TSPEAR: variants seen among roughly 807,000 people sequenced by gnomAD.
TSPEAR encodes thrombospondin type laminin G domain and EAR repeats.
TSPEAR carries 69 observed loss-of-function variants against 71.6 expected under a neutral mutation model. That is an observed-to-expected ratio of 0.96 (90% CI 0.79 to 1.18). The LOEUF (loss-of-function observed/expected upper bound fraction) is 1.18. Ranked by LOEUF, TSPEAR falls within the 50% of genes most tolerant of loss-of-function variation. The pLI is 0.00. For synonymous variants in TSPEAR, 402 were observed against 387.2 expected (o/e 1.04, Z -0.45); for missense variants, 971 against 894.9 (o/e 1.09, Z -1.09).
intron 11 of TSPEAR, among the ~76,000 whole-genome samples, chr21:44,504,348 G>C (rs183529623): frequency 7.0e-6 from 1 of 142,174 alleles, no homozygotes; most frequent in Non-Finnish European, 1.5e-5. Context: ...AGCTGGCCTC[G>C]GTGAGCCCTC....
At chr21:44,647,277 C>T (rs781918376) in intron 1 of TSPEAR, 30 of 1,601,680 alleles carry the variant, frequency 1.9e-5, no homozygotes, top group East Asian at 9.0e-5. Flanking sequence ...CGGCCTCCTG[C>T]GTGTCCCTCC....
chr21:44,628,453 G>A (rs1983040505), intron 1 of TSPEAR, among the ~76,000 whole-genome samples: 1 of 151,866 alleles, frequency 6.6e-6, no homozygotes, highest in Non-Finnish European at 1.5e-5. Flanking sequence ...CTGGGGGGCT[G>A]GGCCCCGTGG....
intron 1 of TSPEAR, chr21:44,654,322 G>A: frequency 6.2e-7 from 1 of 1,614,108 alleles, no homozygotes; most frequent in South Asian, 1.1e-5. Flanking sequence ...ATAGACCAGG[G>A]TGGGGCAGAA....
At chr21:44,667,612 G>C (rs1244940841) in intron 1 of TSPEAR, among the ~76,000 whole-genome samples, 1 of 152,212 alleles carries the variant, frequency 6.6e-6, no homozygotes, top group Non-Finnish European at 1.5e-5. Context: ...TGTGAGGCCA[G>C]TGAAGGGTCC....
chr21:44,681,995 G>C (rs782530433), intron 1 of TSPEAR: 1 of 1,610,140 alleles, frequency 6.2e-7, no homozygotes, highest in Admixed American at 1.7e-5. Context: ...GCACACACAC[G>C]GCTGGCTTGA....
At chr21:44,594,751 G>C (rs1980245025) in intron 1 of TSPEAR, among the ~76,000 whole-genome samples, 1 of 151,896 alleles carries the variant, frequency 6.6e-6, no homozygotes, top group African/African-American at 2.4e-5. Flanking sequence ...CTGCAGGATG[G>C]CTTTCTTGCA....
rs186064008 is a variant in TSPEAR at position 44,622,648 on chromosome 21, T to C, written c.83-54643A>G. ...TCATACGCCGTCTTCCCTTTGTGTG[T>C]GTGTTTGAACTTCCTTCTCCTTTCT... On this transcript the variant is annotated intron_variant, in intron 1 of 11. Coordinates refer to ENST00000323084, the MANE Select transcript of TSPEAR (RefSeq NM_144991.3). Among the ~76,000 whole-genome samples the C allele has an allele frequency of 5.3e-5, 8 of 152,334 alleles. No individual in the cohort carries two copies. The East Asian group carries it at 1.5e-3, about 29-fold the overall frequency.
chr21:44,612,030 C>A lies in TSPEAR; in HGVS notation c.83-44025G>T. ...GAAAATACCCAGGGAGGGTATAAAA[C>A]CTCAGCAGCCAGGGCACACAAACCC... On this transcript the variant is annotated intron_variant, in intron 1 of 11. Coordinates refer to ENST00000323084, the MANE Select transcript of TSPEAR (RefSeq NM_144991.3). This position sits in a 1 kb window ranked among gnomAD's most constrained non-coding sequence, Gnocchi z 4.1. The A allele has an allele frequency of 6.7e-7, 1 of 1,498,726 alleles. No homozygotes were observed. Among genetic ancestry groups the A allele is most frequent in the South Asian group, 1.2e-5 (1 of 81,470 alleles). 92.8% of individuals were successfully genotyped at this position (1,498,726 alleles called of 1,614,324 possible).
At chr21:44,578,821 GTC>G (rs1343121720) in intron 1 of TSPEAR, among the ~76,000 whole-genome samples, 1 of 152,192 alleles carries the variant, frequency 6.6e-6, no homozygotes, top group Non-Finnish European at 1.5e-5. Flanking sequence ...GCCCTCCAGT[GTC>G]GCCCATGTCA....
At chr21:44,510,265 C>T (rs993867928) in intron 9 of TSPEAR, among the ~76,000 whole-genome samples, 2 of 152,182 alleles carry the variant, frequency 1.3e-5, no homozygotes, top group African/African-American at 2.4e-5. Context: ...GGGATCCCTG[C>T]GCACGGTCCC....
chr21:44,569,056 C>T (rs1214513923), intron 1 of TSPEAR, among the ~76,000 whole-genome samples: 2 of 152,188 alleles, frequency 1.3e-5, no homozygotes, highest in Admixed American at 6.5e-5. Context: ...CCCCAGTGAG[C>T]AGCTGGAGAG....
chr21:44,517,724 G>T (rs112502431), intron 9 of TSPEAR: 2 of 469,850 alleles, frequency 4.3e-6, no homozygotes, highest in Non-Finnish European at 8.8e-6. Context: ...CTTGTCCTGC[G>T]GGGGCTCTGT....
intron 1 of TSPEAR, among the ~76,000 whole-genome samples, chr21:44,569,717 A>G (rs1555922254): frequency 6.6e-6 from 1 of 152,160 alleles, no homozygotes; most frequent in African/African-American, 2.4e-5. Context: ...ACCCTGAGTT[A>G]TAAAACATGC....
At chr21:44,706,414 C>T (rs1429579047) in intron 1 of TSPEAR, among the ~76,000 whole-genome samples, 1 of 151,044 alleles carries the variant, frequency 6.6e-6, no homozygotes, top group Non-Finnish European at 1.5e-5. Context: ...CACCCATGCA[C>T]ACACACGCGC....
chr21:44,602,505 T>C (rs369121889), intron 1 of TSPEAR, among the ~76,000 whole-genome samples: 5,055 of 43,354 alleles, frequency 0.12, 276 homozygotes, highest in African/African-American at 0.18. Context: ...ACGGCCATCC[T>C]GAGGCCCGCT....
chr21:44,517,062 A>C (rs1358343189), intron 9 of TSPEAR, among the ~76,000 whole-genome samples: 2 of 152,132 alleles, frequency 1.3e-5, no homozygotes, highest in Non-Finnish European at 2.9e-5. Context: ...CGACTCCTGC[A>C]GTCTGTGCTT....
At chr21:44,599,134 T>TCTC (rs1980573681) in intron 1 of TSPEAR, among the ~76,000 whole-genome samples, 23 of 92,276 alleles carry the variant, frequency 2.5e-4, no homozygotes, top group African/African-American at 6.9e-4. Context: ...GGCCCCCATT[T>TCTC]TCTCTCTCTC....
chr21:44,627,650 A>C lies in TSPEAR; in HGVS notation c.83-59645T>G, dbSNP rs781982070. On this transcript the variant is annotated intron_variant, in intron 1 of 11. Coordinates refer to ENST00000323084, the MANE Select transcript of TSPEAR (RefSeq NM_144991.3). ...GCGCCCACCTGCTCTGAGGATTCCT[A>C]TTCATGCTGCCAACAGTCTAGCTGC... The C allele has an allele frequency of 6.9e-6, 11 of 1,588,178 alleles. No homozygotes were observed. In the East Asian group the frequency reaches 1.1e-4, roughly 16 times the overall value.
At position 44,612,847 on chromosome 21, in the gene TSPEAR, C is replaced by T; in HGVS notation, c.83-44842G>A. The stretch of plus-strand genomic sequence containing the variant: ...ACCCGGCCTCCTGCCTGTCCTTCCT[C>T]TGCCGCCCCGCGTGCTCCCGCCTGG... On this transcript the variant is annotated intron_variant, in intron 1 of 11. Transcript: ENST00000323084. The surrounding 1 kb of genome is among the most constrained non-coding windows in gnomAD (Gnocchi z 4.1). 6.2e-7 allele frequency: 1 copy of T among 1,612,752 alleles called. No individual in the cohort carries two copies. The highest frequency in any genetic ancestry group is 8.5e-7 in the Non-Finnish European group (1 of 1,179,836).
Sources: gnomAD v4.1 joint callset for allele counts (sites outside exome capture counted in the v4.1 genomes callset) on GRCh38, gnomAD v4.1.1 for gene constraint, Gnocchi (gnomAD v3.1) non-coding constraint, MANE v1.5 for transcripts, NCBI Gene and HGNC (gene_info 2026-07-23, HGNC 2026-07-21) for gene names.